CDK19: variants seen among roughly 807,000 people sequenced by gnomAD.
CDK19 encodes the protein cyclin-dependent kinase 19.
A neutral mutation model predicts 68.3 loss-of-function variants in CDK19; 20 were observed. That is an observed-to-expected ratio of 0.29 (90% confidence interval 0.21 to 0.43). The LOEUF (loss-of-function observed/expected upper bound fraction) is 0.43, where lower values mean the gene tolerates loss of function less well. Ranked by LOEUF, CDK19 falls within the 20% of genes least tolerant of loss-of-function variation. The pLI is 1.00. For synonymous variants in CDK19, 221 were observed against 222.8 expected, an observed-to-expected ratio of 0.99 and a Z score of 0.07; for missense variants, 339 against 623.5, an observed-to-expected ratio of 0.54 and a Z score of 4.86.
intron 2 of CDK19, among the ~76,000 whole-genome samples, chr6:110,693,313 G>A (rs1773185576): frequency 6.6e-6 from 1 of 152,222 alleles, no homozygotes; most frequent in Admixed American, 6.5e-5. Flanking sequence ...CCTCACTGGG[G>A]AACCTGAAAA....
In CDK19 at chr6:110,611,068, C is replaced by T. The variant is rs1777998758; in HGVS notation, c.*3467G>A. On this transcript the variant is annotated 3_prime_UTR_variant, in exon 13 of 13. Transcript: ENST00000368911. ...AAAACCACAGAGATATAAAAATATA[C>T]ATAATCCTTGGTCTTTGTATGTCAC... The T allele has an allele frequency of 6.6e-6, 1 of 152,216 alleles. No homozygotes were observed. The highest frequency in any genetic ancestry group is 1.5e-5 in the Non-Finnish European group (1 of 68,042). 9.4% of individuals were successfully genotyped at this position (152,216 alleles called of 1,614,324 possible). A position where few individuals can be genotyped will look rare whatever the true frequency, so the allele number is the denominator to read the frequency against.
rs1783542274 is a variant in CDK19, at chr6:110,815,247, G to C, written c.-111C>G. On this transcript the variant is annotated 5_prime_UTR_variant, in exon 1 of 13. Transcript: ENST00000368911. ...CTTCTCCAACAGCCGCCTCTCGCGCGCGCGCGCGCGCCGCCCGCCGCCCGC... is the reference window on the plus strand; with the variant it reads ...CTTCTCCAACAGCCGCCTCTCGCGCCCGCGCGCGCGCCGCCCGCCGCCCGC... 5 of 1,214,794 alleles carry C rather than the reference G, an allele frequency of 4.1e-6. No individual in the cohort carries two copies. Among genetic ancestry groups the C allele is most frequent in the South Asian group, 4.8e-5 (2 of 41,604 alleles). The allele number at this position is 1,214,794 out of a possible 1,614,324, so 75.3% of individuals were successfully genotyped here. A position where few individuals can be genotyped will look rare whatever the true frequency, so the allele number is the denominator to read the frequency against.
At chr6:110,712,009 A>C (rs1774982089) in intron 2 of CDK19, among the ~76,000 whole-genome samples, 1 of 152,196 alleles carries the variant, frequency 6.6e-6, no homozygotes, top group South Asian at 2.1e-4. Context: ...AACTTCAGGT[A>C]GTTTTTGGTA....
chr6:110,756,506 G>A (rs377418336), intron 1 of CDK19, among the ~76,000 whole-genome samples: 17 of 151,288 alleles, frequency 1.1e-4, no homozygotes, highest in African/African-American at 3.6e-4. Flanking sequence ...AGGTTGCAGT[G>A]AGCCAAGATT....
At position 110,815,168 on chromosome 6, in the gene CDK19, G is replaced by T. The variant is rs749245298; in HGVS notation, c.-32C>A. On this transcript the variant is annotated 5_prime_UTR_variant, in exon 1 of 13. Coordinates refer to ENST00000368911, the MANE Select transcript of CDK19 (RefSeq NM_015076.5). ...CTTCCCCCATAGAGGCACGGGACGC[G>T]GGGGCCGCCGCCGCTCAGTCCCTCC... The T allele has an allele frequency of 2.6e-6, 4 of 1,557,020 alleles. No homozygotes were observed. In the South Asian group the frequency reaches 3.5e-5, roughly 14 times the overall value.
chr6:110,646,658 T>C (rs1780606900), intron 4 of CDK19: 2 of 510,282 alleles, frequency 3.9e-6, no homozygotes, highest in South Asian at 4.2e-5. Flanking sequence ...CCTTTTCCCT[T>C]TGGCTTTGCT....
At chr6:110,688,294 C>A (rs2114561086) in intron 2 of CDK19, among the ~76,000 whole-genome samples, 1 of 151,902 alleles carries the variant, frequency 6.6e-6, no homozygotes, top group East Asian at 1.9e-4. Flanking sequence ...TGTACTCCAG[C>A]CTGGGCAACA....
intron 2 of CDK19, among the ~76,000 whole-genome samples, chr6:110,702,954 T>C (rs974821436): frequency 6.6e-6 from 1 of 152,244 alleles, no homozygotes; most frequent in Non-Finnish European, 1.5e-5. Flanking sequence ...ATTCTTATTA[T>C]GCATATATTT....
In CDK19 at chr6:110,776,715, A is replaced by G. The variant is rs1780425811; in HGVS notation, c.129-30514T>C. Among the ~76,000 whole-genome samples the G allele has an allele frequency of 2.0e-5, 3 of 152,320 alleles. No homozygotes were observed. In the South Asian group the frequency reaches 6.2e-4, roughly 32 times the overall value. ...TCTAAAGCAGTGCTTGTGACATTCT[A>G]AGTTAAGTGCATTTGACATACTATG... On this transcript the variant is annotated intron_variant, in intron 1 of 12. Transcript: ENST00000368911.
chr6:110,691,458 T>C (rs1017688862), intron 2 of CDK19, among the ~76,000 whole-genome samples: 1 of 149,456 alleles, frequency 6.7e-6, no homozygotes. Flanking sequence ...TGGGCGACAG[T>C]GCAAGACTCC....
At chr6:110,776,004 A>G (rs1780369655) in intron 1 of CDK19, among the ~76,000 whole-genome samples, 1 of 152,244 alleles carries the variant, frequency 6.6e-6, no homozygotes, top group South Asian at 2.1e-4. Flanking sequence ...ACCATCTCTC[A>G]GATTTATACT....
At chr6:110,615,427 T>A (rs1360886569) in intron 12 of CDK19, among the ~76,000 whole-genome samples, 3 of 152,230 alleles carry the variant, frequency 2.0e-5, no homozygotes, top group Non-Finnish European at 4.4e-5. Flanking sequence ...GAGACAAGCA[T>A]AGCTGGAAGT....
At chr6:110,792,182 G>C (rs1015058180) in intron 1 of CDK19, among the ~76,000 whole-genome samples, 1 of 150,944 alleles carries the variant, frequency 6.6e-6, no homozygotes, top group African/African-American at 2.4e-5. Context: ...TGTTGGCCAG[G>C]ATGGTCTCGA....
chr6:110,643,208 G>A (rs1471339849), intron 4 of CDK19: 3 of 1,287,024 alleles, frequency 2.3e-6, no homozygotes, highest in Non-Finnish European at 3.0e-6. Flanking sequence ...GGCCTGACGA[G>A]TAAAACAATA....
intron 5 of CDK19, 128 bp from the exon 6 acceptor site, chr6:110,632,289 G>C: frequency 1.5e-6 from 1 of 666,368 alleles, no homozygotes; most frequent in South Asian, 2.0e-5. Context: ...AATAGCTGCT[G>C]ACCTTATAAA....
intron 2 of CDK19, among the ~76,000 whole-genome samples, chr6:110,686,976 A>C (rs1411261760): frequency 6.6e-6 from 1 of 152,190 alleles, no homozygotes. Context: ...AGGCAGGAGG[A>C]TTGCTTGAGC....
intron 6 of CDK19, among the ~76,000 whole-genome samples, chr6:110,628,004 G>A (rs1369535018): frequency 6.6e-6 from 1 of 152,106 alleles, no homozygotes; most frequent in Non-Finnish European, 1.5e-5. Flanking sequence ...GAGGTCAGGA[G>A]TTCGAGACCA....
chr6:110,688,276 C>T (rs763118022), intron 2 of CDK19, among the ~76,000 whole-genome samples: 2 of 151,862 alleles, frequency 1.3e-5, no homozygotes, highest in Non-Finnish European at 2.9e-5. Flanking sequence ...GAGCCGGAGT[C>T]GTGCCACTGT....
At chr6:110,661,693 A>C (rs1041748132) in intron 4 of CDK19, among the ~76,000 whole-genome samples, 1 of 152,172 alleles carries the variant, frequency 6.6e-6, no homozygotes, top group Admixed American at 6.5e-5. Context: ...CTTCATTCGG[A>C]TAGACCTCTA....
Sources: gnomAD v4.1 joint callset for allele counts (sites outside exome capture counted in the v4.1 genomes callset) on GRCh38, gnomAD v4.1.1 for gene constraint, MANE v1.5 for transcripts, NCBI Gene and HGNC (gene_info 2026-07-23, HGNC 2026-07-21) for gene names.